CHL1: variants seen among roughly 807,000 people sequenced by gnomAD.
The protein encoded by CHL1 is neural cell adhesion molecule L1-like protein.
A neutral mutation model predicts 141.9 loss-of-function variants in CHL1; 96 were observed. That is an observed-to-expected ratio of 0.68 (90% confidence interval 0.57 to 0.80). The LOEUF (loss-of-function observed/expected upper bound fraction) is 0.80, where lower values mean the gene tolerates loss of function less well. Among genes scored for constraint, CHL1 ranks in the 30% least tolerant of loss-of-function variants. CHL1 has a pLI of 0.00. For synonymous variants in CHL1, 613 were observed against 502.2 expected (o/e 1.22, Z -2.95); for missense variants, 1,820 against 1,457.2 (o/e 1.25, Z -4.05).
rs531267514 is a variant in CHL1 at position 276,685 on chromosome 3, T to C, written c.-95+31993T>C. ...GGGGCGGATCACGAGGTCAGGAGAT[T>C]GAGACCGTCCTGGCTAACAGGGTGA... On this transcript the variant is annotated intron_variant, in intron 2 of 27. Coordinates refer to ENST00000256509, the MANE Select transcript of CHL1 (RefSeq NM_006614.4). Among the ~76,000 whole-genome samples the C allele has an allele frequency of 4.1e-3, 625 of 151,784 alleles. 2 individuals carry two copies. The highest frequency in any genetic ancestry group is 6.3e-3 in the Non-Finnish European group (428 of 67,898).
intron 2 of CHL1, among the ~76,000 whole-genome samples, chr3:310,841 A>G (rs565106039): frequency 1.3e-5 from 2 of 152,344 alleles, no homozygotes; most frequent in South Asian, 4.1e-4. Context: ...TTGTAGTATC[A>G]TACAAAGTAG....
At chr3:324,776 A>T (rs1056365365) in intron 3 of CHL1, among the ~76,000 whole-genome samples, 1 of 151,830 alleles carries the variant, frequency 6.6e-6, no homozygotes, top group Non-Finnish European at 1.5e-5. Flanking sequence ...TTTTGTAGGG[A>T]TAAGAGTCTC....
At chr3:211,412 G>A (rs1030336903) in intron 1 of CHL1, among the ~76,000 whole-genome samples, 15 of 152,184 alleles carry the variant, frequency 9.9e-5, no homozygotes, top group African/African-American at 3.6e-4. Flanking sequence ...CAGCAGTAGA[G>A]CTTTCTTGAG....
rs370816651 is a variant in CHL1, at chr3:340,967, A to G, written c.508+51A>G. The G allele has an allele frequency of 1.1e-4, 167 of 1,538,486 alleles. No individual in the cohort carries two copies. The African/African-American group carries it at 1.8e-3, about 16-fold the overall frequency. ...AAAGGGGGACATTTTAATTCTATCC[A>G]TCATATCAATAACATAATGAATCCA... On this transcript the variant is annotated intron_variant, in intron 6 of 27. Transcript: ENST00000256509.
chr3:326,144 C>A, intron 4 of CHL1, 80 bp downstream of exon 4: 1 of 792,916 alleles, frequency 1.3e-6, no homozygotes, highest in Non-Finnish European at 2.0e-6. Flanking sequence ...CATCACAAGC[C>A]TGTTGGACTA....
chr3:282,540 T>C (rs1696764221), intron 2 of CHL1: 1 of 152,210 alleles, frequency 6.6e-6, no homozygotes, highest in East Asian at 1.9e-4. Flanking sequence ...AGTAAGAAAT[T>C]ATCTCAGTTT....
At chr3:238,481 AT>A (rs1322710646) in intron 1 of CHL1, among the ~76,000 whole-genome samples, 1 of 152,206 alleles carries the variant, frequency 6.6e-6, no homozygotes, top group Non-Finnish European at 1.5e-5. Context: ...TAGAATAGGC[AT>A]TTTTTGTCAA....
intron 2 of CHL1, among the ~76,000 whole-genome samples, chr3:245,301 A>C (rs1043206577): frequency 3.3e-5 from 5 of 152,190 alleles, no homozygotes; most frequent in African/African-American, 1.2e-4. Context: ...GGCCAAACAC[A>C]CAGTGATGTA....
At chr3:393,544 C>G (rs950036982) in intron 23 of CHL1, among the ~76,000 whole-genome samples, 2 of 151,834 alleles carry the variant, frequency 1.3e-5, no homozygotes, top group Non-Finnish European at 2.9e-5. Context: ...TATTGAACTG[C>G]TTGATATGTG....
intron 19 of CHL1, among the ~76,000 whole-genome samples, chr3:388,070 G>A (rs533233825): frequency 2.0e-5 from 3 of 152,238 alleles, no homozygotes; most frequent in South Asian, 4.1e-4. Context: ...GTTTATATAA[G>A]TGAACCTTAA....
At chr3:347,452 A>G (rs78242870) in intron 9 of CHL1, among the ~76,000 whole-genome samples, 4,213 of 152,322 alleles carry the variant, frequency 0.028, 199 homozygotes, top group African/African-American at 0.096. Context: ...GCCATGGTAT[A>G]GACCTATCCT....
intron 2 of CHL1, among the ~76,000 whole-genome samples, chr3:290,446 G>T (rs940207541): frequency 2.0e-5 from 3 of 152,090 alleles, no homozygotes; most frequent in African/African-American, 7.2e-5. Context: ...TTATATTCTA[G>T]GTTAGAAAAG....
At chr3:337,719 T>A (rs1316635807) in intron 5 of CHL1, among the ~76,000 whole-genome samples, 2 of 152,214 alleles carry the variant, frequency 1.3e-5, no homozygotes, top group Non-Finnish European at 2.9e-5. Flanking sequence ...GGCTTCATAG[T>A]ATTCCATGGT....
At chr3:318,656 C>T (rs1019774051) in intron 2 of CHL1, among the ~76,000 whole-genome samples, 1 of 151,148 alleles carries the variant, frequency 6.6e-6, no homozygotes, top group South Asian at 2.1e-4. Context: ...ACGCCTTTGT[C>T]TTCTGCTTGA....
At chr3:373,569 T>C (rs1406349044) in intron 15 of CHL1, 1 of 152,424 alleles carries the variant, frequency 6.6e-6, no homozygotes, top group Non-Finnish European at 1.5e-5. Flanking sequence ...TGATTCCCAG[T>C]GCTGGCTGCT....
At position 299,253 on chromosome 3, in the gene CHL1, A is replaced by G. The variant is rs577528396; in HGVS notation, c.-94-20430A>G. ...AGTGCAGCATACTTGGCCTCCAGAA[A>G]TGCAGAAAGTTTCATCAATATACAA... On this transcript the variant is annotated intron_variant, in intron 2 of 27. Coordinates refer to ENST00000256509, the MANE Select transcript of CHL1 (RefSeq NM_006614.4). Among the ~76,000 whole-genome samples the G allele has an allele frequency of 3.0e-4, 45 of 152,338 alleles. No individual in the cohort carries two copies. In the East Asian group the frequency reaches 5.6e-3, roughly 19 times the overall value.
chr3:226,232 C>G (rs1417321478), intron 1 of CHL1, among the ~76,000 whole-genome samples: 1 of 149,450 alleles, frequency 6.7e-6, no homozygotes, highest in Non-Finnish European at 1.5e-5. Context: ...ATGTTGGCCA[C>G]GCTAATGTTG....
At chr3:366,939 A>G (rs111942766) in intron 15 of CHL1, among the ~76,000 whole-genome samples, 5 of 152,332 alleles carry the variant, frequency 3.3e-5, no homozygotes, top group African/African-American at 9.6e-5. Flanking sequence ...TCAATCTCAC[A>G]TGAGTTTATT....
chr3:363,452 T>A, intron 14 of CHL1, 69 bp downstream of exon 14: 30 of 1,376,114 alleles, frequency 2.2e-5, no homozygotes, highest in Non-Finnish European at 2.9e-5. Flanking sequence ...TTTGCCCAAA[T>A]GGAATAATAC....
Sources: gnomAD v4.1 joint callset for allele counts (sites outside exome capture counted in the v4.1 genomes callset) on GRCh38, gnomAD v4.1.1 for gene constraint, MANE v1.5 for transcripts, NCBI Gene and HGNC (gene_info 2026-07-23, HGNC 2026-07-21) for gene names.